Variants in ATXN1 observed in about 807,000 individuals in gnomAD.
The protein encoded by ATXN1 is ataxin-1.
Under a neutral mutation model 56.4 loss-of-function variants are expected in ATXN1, and 8 were observed. The ratio of observed to expected loss-of-function variants is 0.14; its 90% confidence interval spans 0.08 to 0.26. The LOEUF is 0.26. Ranked by LOEUF, ATXN1 falls within the 10% of genes least tolerant of loss-of-function variation. The pLI is 1.00. For missense variants in ATXN1, 987 were observed against 1,106.5 expected (o/e 0.89, Z 1.53); for synonymous variants, 514 against 494.6 (o/e 1.04, Z -0.52).
intron 2 of ATXN1, among the ~76,000 whole-genome samples, chr6:16,689,597 C>T (rs1327946128): frequency 5.4e-5 from 8 of 147,670 alleles, no homozygotes; most frequent in Admixed American, 4.8e-4. Context: ...TCAAGGGATC[C>T]TCCCACCTTG....
At chr6:16,603,838 G>T (rs572480556) in intron 3 of ATXN1, among the ~76,000 whole-genome samples, 14 of 152,126 alleles carry the variant, frequency 9.2e-5, no homozygotes, top group African/African-American at 3.1e-4. Context: ...GGGTGGGGAT[G>T]AGGACAGTGG....
At chr6:16,590,708 T>G (rs1222553474) in intron 3 of ATXN1, among the ~76,000 whole-genome samples, 1 of 152,088 alleles carries the variant, frequency 6.6e-6, no homozygotes, top group Non-Finnish European at 1.5e-5. Flanking sequence ...CTCACTCTGT[T>G]TCCCAGGTTG....
intron 6 of ATXN1, among the ~76,000 whole-genome samples, chr6:16,434,629 G>T (rs1419987604): frequency 2.4e-4 from 37 of 152,122 alleles, no homozygotes; most frequent in Admixed American, 2.4e-3. Context: ...ATCTGCTTCT[G>T]ATTGATTCTT....
At chr6:16,604,013 G>A (rs369124086) in intron 3 of ATXN1, among the ~76,000 whole-genome samples, 10 of 152,084 alleles carry the variant, frequency 6.6e-5, no homozygotes, top group African/African-American at 1.9e-4. Context: ...TAGAAGTGGT[G>A]GGAACTGATG....
chr6:16,694,558 T>C (rs1355322373), intron 2 of ATXN1, among the ~76,000 whole-genome samples: 1 of 152,258 alleles, frequency 6.6e-6, no homozygotes, highest in East Asian at 1.9e-4. Flanking sequence ...ATTATGGTTG[T>C]AAAAGCACAG....
chr6:16,687,038 C>T (rs1229263280), intron 2 of ATXN1, among the ~76,000 whole-genome samples: 5 of 152,146 alleles, frequency 3.3e-5, no homozygotes, highest in Non-Finnish European at 5.9e-5. Context: ...TCCATATGCT[C>T]AGAGAATTCA....
intron 6 of ATXN1, among the ~76,000 whole-genome samples, chr6:16,437,440 T>G (rs1334951202): frequency 6.6e-6 from 1 of 152,234 alleles, no homozygotes; most frequent in Non-Finnish European, 1.5e-5. Flanking sequence ...ATCTCAGCGC[T>G]CTTCCCCTGA....
rs1016740719 is a variant in ATXN1, at chr6:16,506,972, C to T, written c.-299+15655G>A. 9.9e-5 allele frequency among the ~76,000 whole-genome samples: 15 copies of T among 152,078 alleles called. No individual in the cohort carries two copies. Among genetic ancestry groups the T allele is most frequent in the Admixed American group, 9.2e-4 (14 of 15,258 alleles). ...GATGGATGGATGGACAGACAAATGGCCGGTGACCAAAATACATATACTCCT... is the reference window on the plus strand; with the variant it reads ...GATGGATGGATGGACAGACAAATGGTCGGTGACCAAAATACATATACTCCT... On this transcript the variant is annotated intron_variant, in intron 5 of 7. Transcript: ENST00000436367. This position sits in a 1 kb window ranked among gnomAD's most constrained non-coding sequence, Gnocchi z 4.1.
intron 2 of ATXN1, among the ~76,000 whole-genome samples, chr6:16,686,944 C>T (rs1446355014): frequency 1.3e-5 from 2 of 152,156 alleles, no homozygotes; most frequent in African/African-American, 4.8e-5. Context: ...GTGCATGGGG[C>T]TGTAATTCCA....
At chr6:16,627,641 C>T (rs565633721) in intron 3 of ATXN1, among the ~76,000 whole-genome samples, 1 of 152,190 alleles carries the variant, frequency 6.6e-6, no homozygotes, top group South Asian at 2.1e-4. Context: ...GCAGGAGAAT[C>T]GCTTGAACCT....
At chr6:16,655,264 T>C (rs1452928152) in intron 3 of ATXN1, among the ~76,000 whole-genome samples, 1 of 152,202 alleles carries the variant, frequency 6.6e-6, no homozygotes, top group Non-Finnish European at 1.5e-5. Context: ...TGCATGCCTG[T>C]AATCCCAGCA....
In ATXN1 at chr6:16,390,680, T is replaced by TACACA. The variant is rs60238072; in HGVS notation, c.-160-62211_-160-62210insTGTGT. Among the ~76,000 whole-genome samples, 757 of 147,244 alleles carry TACACA rather than the reference T, an allele frequency of 5.1e-3. 5 individuals are homozygous for TACACA. The highest frequency in any genetic ancestry group is 0.013 in the African/African-American group (532 of 40,158). On this transcript the variant is annotated intron_variant, in intron 6 of 7. Coordinates refer to ENST00000436367, the MANE Select transcript of ATXN1 (RefSeq NM_001128164.2). ...AGATTCAAGGAGTCAAATAAACACA[T>TACACA]CACACACACACACACACACACACAC...
chr6:16,534,171 A>C (rs1222281560), intron 4 of ATXN1, among the ~76,000 whole-genome samples: 1 of 152,068 alleles, frequency 6.6e-6, no homozygotes, highest in Non-Finnish European at 1.5e-5. Flanking sequence ...AGTACATTTG[A>C]ATCATGCACT....
chr6:16,375,193 G>A (rs1043626095), intron 6 of ATXN1, among the ~76,000 whole-genome samples: 2 of 152,214 alleles, frequency 1.3e-5, no homozygotes, highest in African/African-American at 4.8e-5. Flanking sequence ...AAGGAGAAAG[G>A]AGTCACAAAA....
At chr6:16,329,944 G>A (rs1030580288) in intron 6 of ATXN1, among the ~76,000 whole-genome samples, 1 of 152,234 alleles carries the variant, frequency 6.6e-6, no homozygotes, top group Non-Finnish European at 1.5e-5. Flanking sequence ...GCTTCCACAG[G>A]TAGCAGCTGT....
At chr6:16,440,000 G>A (rs1011117601) in intron 6 of ATXN1, among the ~76,000 whole-genome samples, 8 of 151,794 alleles carry the variant, frequency 5.3e-5, no homozygotes, top group African/African-American at 1.9e-4. Context: ...ACTTGAACCC[G>A]GGAGGCGGAG....
intron 4 of ATXN1, among the ~76,000 whole-genome samples, chr6:16,566,899 GGTGGGTCCTCACT>G (rs71795785): frequency 0.65 from 98,525 of 150,950 alleles, 33,016 homozygotes; most frequent in East Asian, 0.79. Flanking sequence ...ATTTTGTAGA[GGTGGGTCCTCACT>G]GTGTTGCCTA....
intron 2 of ATXN1, among the ~76,000 whole-genome samples, chr6:16,752,506 A>G (rs1277363742): frequency 6.6e-6 from 1 of 152,160 alleles, no homozygotes; most frequent in South Asian, 2.1e-4. Flanking sequence ...AAGCAGGTCC[A>G]TTTCCAAGGC....
At chr6:16,632,250 G>C (rs73367623) in intron 3 of ATXN1, among the ~76,000 whole-genome samples, 8,510 of 152,180 alleles carry the variant, frequency 0.056, 430 homozygotes, top group Middle Eastern at 0.15. Context: ...GGGGCAGTGA[G>C]ACACATCCTG....
Sources: allele counts gnomAD v4.1 joint callset (sites outside exome capture counted in the v4.1 genomes callset), GRCh38; gene constraint gnomAD v4.1.1; non-coding constraint Gnocchi (gnomAD v3.1); transcripts MANE v1.5; gene names NCBI Gene and HGNC (gene_info 2026-07-23, HGNC 2026-07-21).